ONECUT2: variants seen among roughly 807,000 people sequenced by gnomAD.
ONECUT2 encodes one cut homeobox 2.
In ONECUT2, 10 loss-of-function variants were observed where a neutral mutation model predicts 27.9. That is an observed-to-expected ratio of 0.36 (90% CI 0.22 to 0.61). The LOEUF is 0.61. Ranked by LOEUF, ONECUT2 falls within the 20% of genes least tolerant of loss-of-function variation. The pLI is 0.73. For synonymous variants in ONECUT2, 334 were observed against 315.1 expected, an observed-to-expected ratio of 1.06 and a Z score of -0.64; for missense variants, 686 against 721.0, an observed-to-expected ratio of 0.95 and a Z score of 0.56.
intron 1 of ONECUT2, among the ~76,000 whole-genome samples, chr18:57,467,611 C>T (rs557063503): frequency 1.3e-5 from 2 of 152,190 alleles, no homozygotes; most frequent in African/African-American, 4.8e-5. Flanking sequence ...GTGATCCACC[C>T]GCCTCAGCCT....
chr18:57,472,050 C>T (rs1416094596), intron 1 of ONECUT2, among the ~76,000 whole-genome samples: 4 of 152,286 alleles, frequency 2.6e-5, no homozygotes, highest in South Asian at 2.1e-4. Context: ...TTGCACCTTC[C>T]GTGGCAGAAC....
intron 1 of ONECUT2, chr18:57,444,285 T>C: frequency 2.2e-6 from 1 of 450,798 alleles, no homozygotes; most frequent in Non-Finnish European, 4.5e-6. Flanking sequence ...CTAGGTTGAC[T>C]GGCTCACCAA....
At position 57,465,874 on chromosome 18, in the gene ONECUT2, C is replaced by T. The variant is rs1238968350; in HGVS notation, c.1229-10563C>T. On this transcript the variant is annotated intron_variant, in intron 1 of 1. Coordinates refer to ENST00000491143, the MANE Select transcript of ONECUT2 (RefSeq NM_004852.3). The stretch of plus-strand genomic sequence containing the variant: ...AACCAAGCTTCCATCTAATCAGCTT[C>T]CTTGTTGTGTGGCCCTGCTGAACTG... 7.2e-5 allele frequency among the ~76,000 whole-genome samples: 11 copies of T among 152,296 alleles called. No homozygotes were observed. The East Asian group carries it at 2.1e-3, about 29-fold the overall frequency.
At chr18:57,462,939 C>T (rs2050301223) in intron 1 of ONECUT2, among the ~76,000 whole-genome samples, 1 of 151,882 alleles carries the variant, frequency 6.6e-6, no homozygotes, top group Admixed American at 6.6e-5. Context: ...ACCATGTTGG[C>T]CAGGCTGGTC....
At chr18:57,456,810 T>G (rs1407137350) in intron 1 of ONECUT2, among the ~76,000 whole-genome samples, 1 of 152,124 alleles carries the variant, frequency 6.6e-6, no homozygotes, top group Non-Finnish European at 1.5e-5. Context: ...TAAAAAAAAT[T>G]AAAAATAGAA....
At chr18:57,440,111 CG>C (rs1404588866) in intron 1 of ONECUT2, among the ~76,000 whole-genome samples, 8 of 152,348 alleles carry the variant, frequency 5.3e-5, no homozygotes, top group Non-Finnish European at 1.0e-4. Context: ...TCCAAATGCA[CG>C]GATTCGTTCG....
intron 1 of ONECUT2, among the ~76,000 whole-genome samples, chr18:57,461,307 C>A (rs1352337407): frequency 4.6e-5 from 7 of 152,100 alleles, no homozygotes; most frequent in Non-Finnish European, 1.0e-4. Flanking sequence ...CTATAATATT[C>A]CACTAAACTC....
At chr18:57,440,458 G>C (rs571466797) in intron 1 of ONECUT2, among the ~76,000 whole-genome samples, 1 of 152,352 alleles carries the variant, frequency 6.6e-6, no homozygotes, top group South Asian at 2.1e-4. Context: ...TCCGCCTCCA[G>C]TGAGCCCGGA....
rs907895615 is a variant in ONECUT2, at chr18:57,466,970, G to A, written c.1229-9467G>A. On this transcript the variant is annotated intron_variant, in intron 1 of 1. Transcript: ENST00000491143. Reference sequence around the variant, plus strand: ...TGTGCTTCCTACAGGCAGCACCTGCGGGCAGCTACAGGGGCCTGAACCTTC... The same window carrying A: ...TGTGCTTCCTACAGGCAGCACCTGCAGGCAGCTACAGGGGCCTGAACCTTC... Among the ~76,000 whole-genome samples, 8 of 152,302 alleles carry A rather than the reference G, an allele frequency of 5.3e-5. No individual in the cohort carries two copies. The South Asian group carries it at 6.2e-4, about 12-fold the overall frequency.
In ONECUT2 at chr18:57,435,790, C is replaced by A; in HGVS notation, c.74C>A (p.Thr25Lys). Residue 25 changes from threonine (T) to lysine (K), a missense_variant, in exon 1 of 2, where the codon ACA (threonine) becomes AAA (lysine). By Grantham distance (78) the Thr-to-Lys change is moderately conservative. Transcript: ENST00000491143. Reference sequence around the variant, plus strand: ...GGCTGCGCCATGAACCCGGAGCTGACAATGGAAAGTCTGGGCACTTTGCAC... The same window carrying A: ...GGCTGCGCCATGAACCCGGAGCTGAAAATGGAAAGTCTGGGCACTTTGCAC... ...LEGCAMNPEL[T>K]MESLGTLHGP... The A allele has an allele frequency of 7.9e-7, 1 of 1,258,120 alleles. No homozygotes were observed. The highest frequency in any genetic ancestry group is 1.0e-6 in the Non-Finnish European group (1 of 966,846). 77.9% of individuals were successfully genotyped at this position (1,258,120 alleles called of 1,614,324 possible). A position where few individuals can be genotyped will look rare whatever the true frequency, so the allele number is the denominator to read the frequency against.
chr18:57,456,352 G>A (rs1345761284), intron 1 of ONECUT2, among the ~76,000 whole-genome samples: 1 of 152,158 alleles, frequency 6.6e-6, no homozygotes, highest in Admixed American at 6.5e-5. Context: ...TCATCAAGAG[G>A]TGAATGGATA....
At chr18:57,467,060 A>T in intron 1 of ONECUT2, 1 of 403,504 alleles carries the variant, frequency 2.5e-6, no homozygotes, top group East Asian at 7.3e-5. Context: ...CATATAAGAA[A>T]GTCGTGAGAC....
In ONECUT2 at chr18:57,477,002, A is replaced by G. The variant is rs1362854427; in HGVS notation, c.*279A>G. ...CATGCTAAGCATCCCAGAAACCCAA[A>G]TGGGGCCTTCCTGGAGCGAGTTAAT... is the stretch of plus-strand genomic sequence containing the variant. On this transcript the variant is annotated 3_prime_UTR_variant, in exon 2 of 2. Coordinates refer to ENST00000491143, the MANE Select transcript of ONECUT2 (RefSeq NM_004852.3). 7 of 421,756 alleles carry G rather than the reference A, an allele frequency of 1.7e-5. No individual in the cohort carries two copies. Among genetic ancestry groups the G allele is most frequent in the Non-Finnish European group, 3.0e-5 (7 of 234,132 alleles). The allele number at this position is 421,756 out of a possible 1,614,324, so 26.1% of individuals were successfully genotyped here.
chr18:57,467,348 T>G, intron 1 of ONECUT2: 1 of 270,580 alleles, frequency 3.7e-6, no homozygotes, highest in Non-Finnish European at 7.6e-6. Context: ...TCCTTTGGTT[T>G]TTTTTTTGTT....
At chr18:57,445,479 T>C (rs1164257950) in intron 1 of ONECUT2, among the ~76,000 whole-genome samples, 1 of 152,266 alleles carries the variant, frequency 6.6e-6, no homozygotes, top group Non-Finnish European at 1.5e-5. Context: ...TTTTCCTGTC[T>C]AAATAACATC....
chr18:57,476,693 G>C lies in ONECUT2; in HGVS notation c.1485G>C (p.Ser495=), dbSNP rs767911692. 9 of 1,613,954 alleles carry C rather than the reference G, an allele frequency of 5.6e-6. No individual in the cohort carries two copies. Among genetic ancestry groups the C allele is most frequent in the Non-Finnish European group, 7.6e-6 (9 of 1,180,038 alleles). The change falls in exon 2 of 2, where the codon TCG becomes TCC. Residue 495 remains serine (S), a synonymous_variant. Transcript: ENST00000491143. ...WQDDLSTGGS[S]STSSTCTKA ...ACGATCTGAGCACAGGGGGCTCCTC[G>C]TCCACCTCCAGCACGTGTACCAAAG...
chr18:57,476,024 A>G (rs908910685), intron 1 of ONECUT2, among the ~76,000 whole-genome samples: 2 of 152,092 alleles, frequency 1.3e-5, no homozygotes, highest in Non-Finnish European at 2.9e-5. Flanking sequence ...ATTTCAACTC[A>G]GCTGTAAACA....
chr18:57,485,894 C>G lies in ONECUT2; in HGVS notation c.*9171C>G, dbSNP rs965431813. ...AGGCCCATCTTCTCCCTATACAAGG[C>G]AAACCTGTAAGGCCTTCCTTCCAAA... On this transcript the variant is annotated 3_prime_UTR_variant, in exon 2 of 2. Transcript: ENST00000491143. 1 of 152,276 alleles carries G rather than the reference C, an allele frequency of 6.6e-6. No homozygotes were observed. The highest frequency in any genetic ancestry group is 1.5e-5 in the Non-Finnish European group (1 of 68,052). 9.4% of individuals were successfully genotyped at this position (152,276 alleles called of 1,614,324 possible). A position where few individuals can be genotyped will look rare whatever the true frequency, so the allele number is the denominator to read the frequency against.
intron 1 of ONECUT2, among the ~76,000 whole-genome samples, chr18:57,444,634 T>C (rs2050192112): frequency 6.6e-6 from 1 of 152,254 alleles, no homozygotes; most frequent in African/African-American, 2.4e-5. Flanking sequence ...ATCCATTGAT[T>C]TGCATTTGTC....
Sources: gnomAD v4.1 joint callset for allele counts (sites outside exome capture counted in the v4.1 genomes callset) on GRCh38, gnomAD v4.1.1 for gene constraint, MANE v1.5 for transcripts, NCBI Gene and HGNC (gene_info 2026-07-23, HGNC 2026-07-21) for gene names.